SMIM31: variants seen among roughly 807,000 people sequenced by gnomAD.
The protein encoded by SMIM31 is small integral membrane protein 31, also known as human epithelial cell program regulator.
intron 1 of SMIM31, among the ~76,000 whole-genome samples, chr4:164,765,968 A>G (rs1732715096): frequency 6.6e-6 from 1 of 152,202 alleles, no homozygotes. Flanking sequence ...AGGAGACTCA[A>G]TAAGAAGAGC....
intron 1 of SMIM31, among the ~76,000 whole-genome samples, chr4:164,762,220 G>A (rs1291464885): frequency 8.0e-6 from 1 of 125,726 alleles, no homozygotes; most frequent in African/African-American, 2.7e-5. Flanking sequence ...CCTTTAAATG[G>A]ATAACAAGCA....
At chr4:164,779,944 A>G (rs1732925980) in intron 2 of SMIM31, among the ~76,000 whole-genome samples, 1 of 152,190 alleles carries the variant, frequency 6.6e-6, no homozygotes, top group Admixed American at 6.5e-5. Context: ...AGTAGACGGC[A>G]ATGTTTGACA....
intron 2 of SMIM31, among the ~76,000 whole-genome samples, chr4:164,772,723 C>T (rs1277293478): frequency 2.6e-5 from 4 of 151,576 alleles, no homozygotes; most frequent in African/African-American, 4.8e-5. Context: ...GGACTACAGG[C>T]GCCCGCCACC....
At chr4:164,800,420 C>A (rs1337774730) in intron 2 of SMIM31, among the ~76,000 whole-genome samples, 4 of 152,082 alleles carry the variant, frequency 2.6e-5, no homozygotes, top group African/African-American at 9.7e-5. Flanking sequence ...GTTGGCCGGG[C>A]TGGTTTTGAA....
At chr4:164,758,478 G>T (rs983003859) in intron 1 of SMIM31, among the ~76,000 whole-genome samples, 5 of 152,088 alleles carry the variant, frequency 3.3e-5, no homozygotes, top group African/African-American at 1.2e-4. Context: ...TAAGTATGGT[G>T]TTAGCTCTAA....
chr4:164,797,017 T>G (rs1733206355), intron 2 of SMIM31, among the ~76,000 whole-genome samples: 1 of 152,208 alleles, frequency 6.6e-6, no homozygotes, highest in Non-Finnish European at 1.5e-5. Context: ...GTTTCTGAAA[T>G]ACACAGAGGG....
chr4:164,785,110 C>CAGCT (rs1418729191), intron 2 of SMIM31, among the ~76,000 whole-genome samples: 10 of 151,984 alleles, frequency 6.6e-5, no homozygotes, highest in African/African-American at 2.4e-4. Context: ...CCTGTAATCC[C>CAGCT]AGCTACTCAG....
intron 2 of SMIM31, among the ~76,000 whole-genome samples, chr4:164,771,568 G>A (rs1732802528): frequency 1.3e-5 from 2 of 151,894 alleles, no homozygotes; most frequent in Admixed American, 6.6e-5. Context: ...TTGGGAGGCC[G>A]AGGCAGGCGG....
intron 2 of SMIM31, among the ~76,000 whole-genome samples, chr4:164,774,935 G>C (rs530865461): frequency 0.018 from 2,782 of 152,226 alleles, 90 homozygotes; most frequent in African/African-American, 0.063. Flanking sequence ...AACAGTGTTA[G>C]CCAACATCAG....
intron 1 of SMIM31, among the ~76,000 whole-genome samples, chr4:164,756,844 T>C (rs758287146): frequency 2.0e-5 from 3 of 152,216 alleles, no homozygotes; most frequent in Non-Finnish European, 2.9e-5. Flanking sequence ...AATGGACGCC[T>C]GAGTTTTGTC....
intron 2 of SMIM31, among the ~76,000 whole-genome samples, chr4:164,788,833 C>T (rs1733063923): frequency 6.6e-6 from 1 of 152,110 alleles, no homozygotes; most frequent in South Asian, 2.1e-4. Flanking sequence ...GATTGAAAAA[C>T]ATGTGCTATA....
chr4:164,777,134 A>G, intron 2 of SMIM31, among the ~76,000 whole-genome samples: 1 of 152,206 alleles, frequency 6.6e-6, no homozygotes, highest in East Asian at 1.9e-4. Context: ...CAGGCTTTTC[A>G]TGATGGTCTT....
At chr4:164,790,299 T>G (rs1165344983) in intron 2 of SMIM31, among the ~76,000 whole-genome samples, 1 of 152,166 alleles carries the variant, frequency 6.6e-6, no homozygotes, top group Admixed American at 6.6e-5. Flanking sequence ...ATACTGTATT[T>G]TTTTAAAAAA....
chr4:164,762,135 G>T (rs137926691), intron 1 of SMIM31, among the ~76,000 whole-genome samples: 1 of 152,204 alleles, frequency 6.6e-6, no homozygotes, highest in Non-Finnish European at 1.5e-5. Flanking sequence ...TGTGAAATGG[G>T]AAACTGCTTG....
At chr4:164,798,381 C>G (rs184096722) in intron 2 of SMIM31, among the ~76,000 whole-genome samples, 8,483 of 151,870 alleles carry the variant, frequency 0.056, 256 homozygotes, top group Non-Finnish European at 0.075. Flanking sequence ...CTACAGGCGC[C>G]CACCACCATG....
intron 1 of SMIM31, among the ~76,000 whole-genome samples, chr4:164,768,287 G>A (rs989968479): frequency 6.6e-6 from 1 of 151,370 alleles, no homozygotes; most frequent in East Asian, 1.9e-4. Context: ...AAGAAAGAGA[G>A]GGAAAGAGAG....
rs183343054 is a variant in SMIM31 at position 164,790,201 on chromosome 4, A to C, written c.113-10890A>C. ...TCCTAACTTTAAAAACTATACATGAAATGCTATGATGACTAAAACACCTAA... is the reference window on the plus strand; with the variant it reads ...TCCTAACTTTAAAAACTATACATGACATGCTATGATGACTAAAACACCTAA... On this transcript the variant is annotated intron_variant, in intron 2 of 2. Transcript: ENST00000507311. Among the ~76,000 whole-genome samples, 30 of 152,302 alleles carry C rather than the reference A, an allele frequency of 2.0e-4. 2 individuals carry two copies. The highest frequency in any genetic ancestry group is 7.2e-4 in the African/African-American group (30 of 41,566).
At chr4:164,800,422 G>C (rs757807974) in intron 2 of SMIM31, among the ~76,000 whole-genome samples, 3 of 151,988 alleles carry the variant, frequency 2.0e-5, no homozygotes, top group Non-Finnish European at 2.9e-5. Context: ...TGGCCGGGCT[G>C]GTTTTGAACT....
At chr4:164,791,199 C>T (rs1733096574) in intron 2 of SMIM31, among the ~76,000 whole-genome samples, 1 of 151,982 alleles carries the variant, frequency 6.6e-6, no homozygotes, top group South Asian at 2.1e-4. Flanking sequence ...AAATGTATTA[C>T]ATTGAGTAGA....
Sources: gnomAD v4.1 joint callset for allele counts (sites outside exome capture counted in the v4.1 genomes callset) on GRCh38, gnomAD v4.1.1 for gene constraint, MANE v1.5 for transcripts, NCBI Gene and HGNC (gene_info 2026-07-23, HGNC 2026-07-21) for gene names.